Variants in SLAMF6 observed in about 807,000 individuals in gnomAD.
SLAMF6 encodes NK-T-B-antigen.
SLAMF6 carries 21 observed loss-of-function variants against 38.3 expected under a neutral mutation model. The ratio of observed to expected loss-of-function variants is 0.55; its 90% CI spans 0.39 to 0.79. The LOEUF is 0.79. Among genes scored for constraint, SLAMF6 ranks in the 30% least tolerant of loss-of-function variants. The probability of loss-of-function intolerance (pLI) is 0.00; values close to 1 mark genes in which losing one functional copy is unlikely to be tolerated. For synonymous variants in SLAMF6, 152 were observed against 146.3 expected (o/e 1.04, Z -0.28); for missense variants, 341 against 385.3 (o/e 0.89, Z 0.96).
At chr1:160,502,447 T>C (rs1653953877) in intron 1 of SLAMF6, among the ~76,000 whole-genome samples, 1 of 152,190 alleles carries the variant, frequency 6.6e-6, no homozygotes, top group African/African-American at 2.4e-5. Flanking sequence ...ACAAGTTTCA[T>C]CTACTGTATG....
At chr1:160,517,662 A>G (rs1053230083) in intron 1 of SLAMF6, among the ~76,000 whole-genome samples, 2 of 152,252 alleles carry the variant, frequency 1.3e-5, no homozygotes, top group South Asian at 2.1e-4. Flanking sequence ...ACCATGGAAT[A>G]CTATGCAGCC....
chr1:160,496,596 C>G (rs1653595001), intron 1 of SLAMF6, among the ~76,000 whole-genome samples: 1 of 152,124 alleles, frequency 6.6e-6, no homozygotes, highest in Non-Finnish European at 1.5e-5. Flanking sequence ...ATGTCAGCCA[C>G]TCTTGGTTAG....
intron 1 of SLAMF6, among the ~76,000 whole-genome samples, chr1:160,520,085 T>C (rs996335059): frequency 1.3e-5 from 2 of 152,034 alleles, no homozygotes; most frequent in Admixed American, 6.6e-5. Context: ...CTGAGGATAA[T>C]GAAAAAATAT....
chr1:160,494,422 A>C (rs1382451996), intron 2 of SLAMF6, among the ~76,000 whole-genome samples: 1 of 152,136 alleles, frequency 6.6e-6, no homozygotes, highest in East Asian at 1.9e-4. Flanking sequence ...AGTGTCCTAC[A>C]CTGCCTTGAT....
intron 5 of SLAMF6, 122 bp downstream of exon 5, chr1:160,490,076 C>G (rs1653199567): frequency 1.8e-6 from 2 of 1,135,918 alleles, no homozygotes; most frequent in Admixed American, 1.7e-5. Context: ...AGCATGTGGT[C>G]TGAGTAATGA....
In SLAMF6 at chr1:160,492,243, G is replaced by T. The variant is rs1008931214; in HGVS notation, c.383-855C>A. On this transcript the variant is annotated intron_variant, in intron 2 of 7. Transcript: ENST00000368057. ...AGTAAAGATGACCCAACCAGGAAGA[G>T]AATGACTCCAATTCTCTGATTAGAA... 1.1e-4 allele frequency among the ~76,000 whole-genome samples: 17 copies of T among 152,316 alleles called. No homozygotes were observed. In the South Asian group the frequency reaches 2.7e-3, roughly 24 times the overall value.
intron 1 of SLAMF6, among the ~76,000 whole-genome samples, chr1:160,514,090 A>C (rs1444466543): frequency 1.3e-5 from 2 of 152,216 alleles, no homozygotes; most frequent in Non-Finnish European, 2.9e-5. Context: ...GTAAATTGTG[A>C]AGACCCATTG....
chr1:160,494,893 A>G (rs1211723768), intron 2 of SLAMF6, among the ~76,000 whole-genome samples: 1 of 152,116 alleles, frequency 6.6e-6, no homozygotes, highest in Admixed American at 6.5e-5. Context: ...ACTTTATGGT[A>G]TTTCTATTTC....
In SLAMF6 at chr1:160,493,981, C is replaced by T. The variant is rs571600971; in HGVS notation, c.382+2080G>A. Among the ~76,000 whole-genome samples the T allele has an allele frequency of 1.6e-3, 247 of 152,212 alleles. 1 individual carries two copies. The highest frequency in any genetic ancestry group is 5.8e-3 in the South Asian group (28 of 4,818). ...AAATCACCACCCACCAGGTCCCTCC[C>T]TTGACATGTAGGGATTACAATTCGA... is the stretch of plus-strand genomic sequence containing the variant. On this transcript the variant is annotated intron_variant, in intron 2 of 7. Transcript: ENST00000368057.
At chr1:160,496,506 C>CA (rs1653590158) in intron 1 of SLAMF6, 113 bp from the exon 2 acceptor site, 1 of 1,016,506 alleles carries the variant, frequency 9.8e-7, no homozygotes, top group South Asian at 1.6e-5. Flanking sequence ...TACCAAAACT[C>CA]AGAGATATGA....
chr1:160,493,287 G>A (rs114798235), intron 2 of SLAMF6, among the ~76,000 whole-genome samples: 6,137 of 152,068 alleles, frequency 0.04, 135 homozygotes, highest in Middle Eastern at 0.071. Context: ...AGTTATCTGC[G>A]TGGCACACTT....
At position 160,485,226 on chromosome 1, in the gene SLAMF6, T is replaced by C. The variant is rs1004260921; in HGVS notation, c.*1481A>G. 3.3e-5 allele frequency: 5 copies of C among 152,056 alleles called. No individual in the cohort carries two copies. The highest frequency in any genetic ancestry group is 4.4e-5 in the Non-Finnish European group (3 of 68,026). 9.4% of individuals were successfully genotyped at this position (152,056 alleles called of 1,614,324 possible). On this transcript the variant is annotated 3_prime_UTR_variant, in exon 8 of 8. Coordinates refer to ENST00000368057, the MANE Select transcript of SLAMF6 (RefSeq NM_001184714.2). Reference sequence around the variant, plus strand: ...CCACCACGCCTGGCTAATTTTTTTGTATTTTTAGTAAAGACGGGGTTTCAC... The same window carrying C: ...CCACCACGCCTGGCTAATTTTTTTGCATTTTTAGTAAAGACGGGGTTTCAC...
chr1:160,522,145 C>G lies in SLAMF6; in HGVS notation c.49+999G>C, dbSNP rs142486127. On this transcript the variant is annotated intron_variant, in intron 1 of 7. Transcript: ENST00000368057. The stretch of plus-strand genomic sequence containing the variant: ...TTCTTTCTCTTATGCTGCTGCCACA[C>G]TTGTTGAACTGTTATTTTTTCTCAT... Among the ~76,000 whole-genome samples the G allele has an allele frequency of 2.2e-4, 34 of 152,326 alleles. No homozygotes were observed. In the East Asian group the frequency reaches 4.8e-3, roughly 22 times the overall value.
intron 1 of SLAMF6, among the ~76,000 whole-genome samples, chr1:160,519,267 C>T (rs1006197703): frequency 1.3e-5 from 2 of 152,158 alleles, no homozygotes; most frequent in Admixed American, 6.5e-5. Context: ...TATACCACTT[C>T]ACACCTATTA....
chr1:160,507,671 G>A (rs191047177), intron 1 of SLAMF6, among the ~76,000 whole-genome samples: 269 of 152,032 alleles, frequency 1.8e-3, no homozygotes, highest in African/African-American at 6.2e-3. Flanking sequence ...AATTATAAAA[G>A]ACTTAAATAT....
At chr1:160,503,215 C>G (rs1654001076) in intron 1 of SLAMF6, among the ~76,000 whole-genome samples, 1 of 152,026 alleles carries the variant, frequency 6.6e-6, no homozygotes, top group Non-Finnish European at 1.5e-5. Context: ...AGAAGTAGAT[C>G]TCATAGAATC....
At chr1:160,493,940 A>T (rs916739500) in intron 2 of SLAMF6, among the ~76,000 whole-genome samples, 1 of 152,074 alleles carries the variant, frequency 6.6e-6, no homozygotes, top group African/African-American at 2.4e-5. Flanking sequence ...GCATGGGGGA[A>T]ACCTCCCACA....
At chr1:160,491,618 G>A (rs1416476069) in intron 2 of SLAMF6, among the ~76,000 whole-genome samples, 2 of 152,294 alleles carry the variant, frequency 1.3e-5, no homozygotes, top group South Asian at 2.1e-4. Flanking sequence ...AGAAGAAGTG[G>A]GAAGGGAGAG....
intron 1 of SLAMF6, among the ~76,000 whole-genome samples, chr1:160,500,665 C>G (rs866773418): frequency 7.2e-5 from 11 of 152,100 alleles, no homozygotes; most frequent in African/African-American, 2.4e-4. Flanking sequence ...AGAATGTAAT[C>G]TCCATGGAGA....
Sources: gnomAD v4.1 joint callset for allele counts (sites outside exome capture counted in the v4.1 genomes callset) on GRCh38, gnomAD v4.1.1 for gene constraint, MANE v1.5 for transcripts, NCBI Gene and HGNC (gene_info 2026-07-23, HGNC 2026-07-21) for gene names.